ANO7: variants seen among roughly 807,000 people sequenced by gnomAD.
ANO7 encodes anoctamin-7.
A neutral mutation model predicts 115.8 loss-of-function variants in ANO7; 114 were observed. The ratio of observed to expected loss-of-function variants is 0.98; its 90% CI spans 0.85 to 1.15. ANO7 has a LOEUF of 1.15. Ranked by LOEUF, ANO7 falls within the 50% of genes most tolerant of loss-of-function variation. The pLI is 0.00. For synonymous variants in ANO7, 550 were observed against 498.2 expected (o/e 1.10, Z -1.38); for missense variants, 1,302 against 1,201.2 (o/e 1.08, Z -1.24).
Position 241,188,893 on chromosome 2 carries a change from G to A in ANO7, c.-8+127G>A. The A allele has an allele frequency of 7.9e-7, 1 of 1,271,896 alleles. No individual in the cohort carries two copies. The allele number at this position is 1,271,896 out of a possible 1,614,324, so 78.8% of individuals were successfully genotyped here. A position where few individuals can be genotyped will look rare whatever the true frequency, so the allele number is the denominator to read the frequency against. ...CTGGCCTGTGGGGAGGCAGTGCCAG[G>A]GCCCGCCCTGGTCCCCAAAGCCCCT... On this transcript the variant is annotated intron_variant, in intron 1 of 24. Coordinates refer to ENST00000674324, the MANE Select transcript of ANO7 (RefSeq NM_001370694.2). This position sits in a 1 kb window ranked among gnomAD's most constrained non-coding sequence, Gnocchi z 4.3.
At chr2:241,240,096 G>T in the ANO7 span, 3 of 1,614,058 alleles carry the variant, frequency 1.9e-6, no homozygotes, top group African/African-American at 2.7e-5. This position sits in a 1 kb window ranked among gnomAD's most constrained non-coding sequence, Gnocchi z 5.5. Context: ...GCTTGGCGCG[G>T]ATGTCAACAG....
chr2:241,210,214 A>G, intron 13 of ANO7, 81 bp from the exon 14 acceptor site: 1 of 1,362,042 alleles, frequency 7.3e-7, no homozygotes, highest in Non-Finnish European at 1.0e-6. Flanking sequence ...GGACTAGAAG[A>G]GCTGTCGGGG....
At chr2:241,231,201 A>C in the ANO7 span, 1 of 387,030 alleles carries the variant, frequency 2.6e-6, no homozygotes, top group Non-Finnish European at 4.8e-6. Context: ...CCTGACCAAC[A>C]TGGAGAAACC....
downstream of ANO7, chr2:241,228,106 TGA>T (rs1291819958): frequency 6.6e-6 from 1 of 152,230 alleles, no homozygotes; most frequent in Non-Finnish European, 1.5e-5. Flanking sequence ...GTTATTCAAC[TGA>T]GAGTGAGGTG....
chr2:241,229,399 G>T, downstream of ANO7: 1 of 529,584 alleles, frequency 1.9e-6, no homozygotes, highest in Non-Finnish European at 3.4e-6. Flanking sequence ...TTAAACAGTG[G>T]AGCAGGTCCT....
chr2:241,222,622 G>A (rs1047158018), intron 21 of ANO7, among the ~76,000 whole-genome samples: 2 of 151,922 alleles, frequency 1.3e-5, no homozygotes, highest in African/African-American at 4.8e-5. Context: ...AGTTGACCCT[G>A]GTAATAGTTT....
the ANO7 span, chr2:241,240,305 C>A: frequency 3.1e-6 from 2 of 643,980 alleles, no homozygotes; most frequent in African/African-American, 1.8e-5. The surrounding 1 kb of genome is among the most constrained non-coding windows in gnomAD (Gnocchi z 5.5). Flanking sequence ...GATGAATACC[C>A]AGACTGCACA....
Position 241,217,738 on chromosome 2 carries a change from G to A in ANO7, c.2025G>A (p.Pro675=), listed in dbSNP as rs747323636. 293 of 1,603,964 alleles carry A rather than the reference G, an allele frequency of 1.8e-4. 4 individuals carry two copies. The Admixed American group carries it at 4.8e-3, about 26-fold the overall frequency. ...TCGTGGCCGCCTGTCCGCTCGCGCC[G>A]CTCTTCGCCCTGCTCAACAACTGGG... is the stretch of plus-strand genomic sequence containing the variant. ...TIFVAACPLA[P]LFALLNNWVE... is the part of the protein sequence containing the mutation. Residue 675 remains proline (P), a synonymous_variant, in exon 20 of 25, where the codon CCG becomes CCA. Transcript: ENST00000674324.
chr2:241,239,022 G>GA, the ANO7 span, among the ~76,000 whole-genome samples: 1 of 152,182 alleles, frequency 6.6e-6, no homozygotes, highest in Non-Finnish European at 1.5e-5. This position sits in a 1 kb window ranked among gnomAD's most constrained non-coding sequence, Gnocchi z 4.6. Context: ...GCCATCCCTG[G>GA]AGGGTGGCCA....
chr2:241,189,170 G>A (rs943515409), intron 1 of ANO7, among the ~76,000 whole-genome samples: 25 of 152,026 alleles, frequency 1.6e-4, no homozygotes, highest in African/African-American at 4.1e-4. Flanking sequence ...CCCACAGTCC[G>A]TAGTGAGGCT....
At chr2:241,239,360 T>C in the ANO7 span, among the ~76,000 whole-genome samples, 1 of 152,114 alleles carries the variant, frequency 6.6e-6, no homozygotes, top group African/African-American at 2.4e-5. This position sits in a 1 kb window ranked among gnomAD's most constrained non-coding sequence, Gnocchi z 4.6. Flanking sequence ...CCCTCTCCTC[T>C]TCTCCTTCTC....
At chr2:241,190,280 T>A (rs2068166440) in intron 2 of ANO7, 109 bp downstream of exon 2, 1 of 943,438 alleles carries the variant, frequency 1.1e-6, no homozygotes, top group African/African-American at 1.7e-5. Flanking sequence ...CATCACCGTG[T>A]TTCTCCTGCA....
intron 15 of ANO7, among the ~76,000 whole-genome samples, chr2:241,211,830 A>G (rs766891044): frequency 1.3e-4 from 20 of 152,156 alleles, no homozygotes; most frequent in East Asian, 5.8e-4. Flanking sequence ...TGTTTCTCTG[A>G]CCCATCCCCT....
At chr2:241,200,456 G>C (rs2068443497) in intron 6 of ANO7, among the ~76,000 whole-genome samples, 1 of 152,254 alleles carries the variant, frequency 6.6e-6, no homozygotes, top group Non-Finnish European at 1.5e-5. Flanking sequence ...AGGCCCAGTG[G>C]CTGGACACGC....
chr2:241,199,074 C>T (rs2068408072), intron 4 of ANO7: 6 of 508,750 alleles, frequency 1.2e-5, no homozygotes, highest in Non-Finnish European at 1.8e-5. Flanking sequence ...GTCCCAACAG[C>T]ATGCTGTCTG....
chr2:241,191,105 A>AGGAC, intron 2 of ANO7, 89 bp from the exon 3 acceptor site: 1 of 1,414,608 alleles, frequency 7.1e-7, no homozygotes. Context: ...GTTGGAGGCG[A>AGGAC]GGACGGCTTC....
At chr2:241,217,178 C>T (rs528728291) in intron 19 of ANO7, among the ~76,000 whole-genome samples, 252 of 152,322 alleles carry the variant, frequency 1.7e-3, no homozygotes, top group Non-Finnish European at 2.6e-3. Context: ...CGGCAGGCCC[C>T]GGAGCTCCCC....
chr2:241,205,309 G>C (rs2068565457), intron 10 of ANO7, among the ~76,000 whole-genome samples: 1 of 148,450 alleles, frequency 6.7e-6, no homozygotes, highest in African/African-American at 2.5e-5. Context: ...CTCCCAGGCT[G>C]GCACCGGTGG....
the ANO7 span, chr2:241,238,393 C>G: frequency 6.2e-6 from 2 of 322,034 alleles, no homozygotes. The surrounding 1 kb of genome is among the most constrained non-coding windows in gnomAD (Gnocchi z 4.9). Flanking sequence ...AGGCTGCACG[C>G]TCCTCATCGC....
Sources: allele counts gnomAD v4.1 joint callset (sites outside exome capture counted in the v4.1 genomes callset), GRCh38; gene constraint gnomAD v4.1.1; non-coding constraint Gnocchi (gnomAD v3.1); transcripts MANE v1.5; gene names NCBI Gene and HGNC (gene_info 2026-07-23, HGNC 2026-07-21).